KLRD1: variants seen among roughly 807,000 people sequenced by gnomAD.
KLRD1 encodes the protein natural killer cells antigen CD94.
KLRD1 carries 21 observed loss-of-function variants against 22.6 expected under a neutral mutation model. The ratio of observed to expected loss-of-function variants is 0.93; its 90% CI spans 0.66 to 1.34. The LOEUF is 1.34. Among genes scored for constraint, KLRD1 ranks in the 40% most tolerant of loss-of-function variants. The probability of loss-of-function intolerance (pLI) is 0.00; values close to 1 mark genes in which losing one functional copy is unlikely to be tolerated. For synonymous variants in KLRD1, 59 were observed against 71.1 expected, an observed-to-expected ratio of 0.83 and a Z score of 0.85; for missense variants, 183 against 208.6, an observed-to-expected ratio of 0.88 and a Z score of 0.76.
rs1434616489 is a variant in KLRD1, at chr12:10,318,290, C to A, written c.*3497C>A. 2 of 152,138 alleles carry A rather than the reference C, an allele frequency of 1.3e-5. No individual in the cohort carries two copies. The highest frequency in any genetic ancestry group is 6.5e-5 in the Admixed American group (1 of 15,280). 9.4% of individuals were successfully genotyped at this position (152,138 alleles called of 1,614,324 possible). A position where few individuals can be genotyped will look rare whatever the true frequency, so the allele number is the denominator to read the frequency against. ...TGGTGAGTTCTTTAAAGTTCAAAAT[C>A]CCTCAGTGGAATCCAGGGTCAATTT... is the stretch of plus-strand genomic sequence containing the variant. On this transcript the variant is annotated 3_prime_UTR_variant, in exon 6 of 6. Transcript: ENST00000336164.
At chr12:10,251,187 C>T (rs1202451196) in intron 1 of KLRD1, among the ~76,000 whole-genome samples, 3 of 152,006 alleles carry the variant, frequency 2.0e-5, no homozygotes, top group African/African-American at 4.8e-5. Context: ...TGCAGTGGTG[C>T]GATCCTGGCT....
At chr12:10,255,888 T>C (rs1331757765) in intron 1 of KLRD1, among the ~76,000 whole-genome samples, 1 of 152,092 alleles carries the variant, frequency 6.6e-6, no homozygotes, top group Non-Finnish European at 1.5e-5. Flanking sequence ...TTCTTATTGT[T>C]CTGGTTGTTT....
intron 1 of KLRD1, among the ~76,000 whole-genome samples, chr12:10,254,530 G>A (rs12829898): frequency 0.068 from 10,211 of 150,572 alleles, 413 homozygotes; most frequent in East Asian, 0.17. Flanking sequence ...AAGGACTAAT[G>A]TATATCCAGC....
chr12:10,255,607 G>C (rs1466576110), intron 1 of KLRD1, among the ~76,000 whole-genome samples: 1 of 152,042 alleles, frequency 6.6e-6, no homozygotes, highest in East Asian at 1.9e-4. Context: ...TTATTTAAAA[G>C]TGTTGTTTAC....
upstream of KLRD1, among the ~76,000 whole-genome samples, chr12:10,305,623 C>G (rs538729171): frequency 8.4e-4 from 128 of 152,202 alleles, 1 homozygote; most frequent in African/African-American, 3.1e-3. Flanking sequence ...CGTTTGTTGA[C>G]GCCCATTCTG....
chr12:10,310,489 T>C (rs147237701), intron 3 of KLRD1, among the ~76,000 whole-genome samples: 24 of 152,196 alleles, frequency 1.6e-4, no homozygotes, highest in Non-Finnish European at 3.4e-4. Flanking sequence ...ATCTTGATTA[T>C]ATAGTGTTTA....
At chr12:10,283,366 AC>A in intron 1 of KLRD1, among the ~76,000 whole-genome samples, 1 of 152,322 alleles carries the variant, frequency 6.6e-6, no homozygotes, top group South Asian at 2.1e-4. Context: ...AATAGTGGTT[AC>A]CAGGGACAGT....
upstream of KLRD1, among the ~76,000 whole-genome samples, chr12:10,299,515 A>G (rs1194398106): frequency 1.3e-5 from 2 of 152,202 alleles, no homozygotes; most frequent in South Asian, 4.1e-4. Context: ...AATGTGCAAT[A>G]GCATTATGTC....
At chr12:10,266,547 T>C (rs960204554) in intron 1 of KLRD1, among the ~76,000 whole-genome samples, 1 of 152,078 alleles carries the variant, frequency 6.6e-6, no homozygotes, top group African/African-American at 2.4e-5. Flanking sequence ...ATTTTTTTCC[T>C]GGTCTGTTAT....
intron 1 of KLRD1, among the ~76,000 whole-genome samples, chr12:10,283,574 A>G (rs113319511): frequency 7.1e-4 from 108 of 152,268 alleles, no homozygotes; most frequent in African/African-American, 2.6e-3. Context: ...AGTACATAGC[A>G]TGTGTGGTCA....
intron 1 of KLRD1, among the ~76,000 whole-genome samples, chr12:10,258,862 T>G (rs1949423222): frequency 6.6e-6 from 1 of 152,106 alleles, no homozygotes; most frequent in Non-Finnish European, 1.5e-5. Flanking sequence ...AAATATATAT[T>G]TATGCTTTCC....
chr12:10,299,678 T>C (rs1949851046), upstream of KLRD1, among the ~76,000 whole-genome samples: 1 of 152,178 alleles, frequency 6.6e-6, no homozygotes. Context: ...TGGTGGTTGC[T>C]GAAGGCTAGG....
chr12:10,280,037 C>T (rs997004449), intron 1 of KLRD1, among the ~76,000 whole-genome samples: 1 of 152,176 alleles, frequency 6.6e-6, no homozygotes, highest in African/African-American at 2.4e-5. Flanking sequence ...TATTTTTCAT[C>T]AGAAATGTCT....
chr12:10,325,971 C>G lies in KLRD1; in HGVS notation c.*11178C>G, dbSNP rs993034466. On this transcript the variant is annotated 3_prime_UTR_variant, in exon 6 of 6. Coordinates refer to ENST00000336164, the MANE Select transcript of KLRD1 (RefSeq NM_002262.5). The stretch of plus-strand genomic sequence containing the variant: ...TAATTACCCCACGTACTTCTCAACA[C>G]TTGTCTTTCATTTGTTTGATAATAG... 5 of 152,148 alleles carry G rather than the reference C, an allele frequency of 3.3e-5. No individual in the cohort carries two copies. Among genetic ancestry groups the G allele is most frequent in the African/African-American group, 1.2e-4 (5 of 41,414 alleles). 9.4% of individuals were successfully genotyped at this position (152,148 alleles called of 1,614,324 possible). A position where few individuals can be genotyped will look rare whatever the true frequency, so the allele number is the denominator to read the frequency against.
chr12:10,283,124 G>T (rs1026883323), intron 1 of KLRD1, among the ~76,000 whole-genome samples: 1 of 152,214 alleles, frequency 6.6e-6, no homozygotes, highest in African/African-American at 2.4e-5. Flanking sequence ...AGACAATTCA[G>T]ATATGGGCAA....
At chr12:10,264,144 C>T (rs1183204820) in intron 1 of KLRD1, among the ~76,000 whole-genome samples, 1 of 152,072 alleles carries the variant, frequency 6.6e-6, no homozygotes, top group African/African-American at 2.4e-5. Context: ...CTATTTCTGT[C>T]ATATATTTGA....
chr12:10,298,958 AGG>A lies in KLRD1; in HGVS notation c.-100-9018_-100-9017del. 1.3e-5 allele frequency among the ~76,000 whole-genome samples: 2 copies of A among 152,326 alleles called. 1 individual carries two copies. Among genetic ancestry groups the A allele is most frequent in the Middle Eastern group, 6.8e-3 (2 of 294 alleles). ...TTAATTCCTCTAGCACCGCTGGGTT[AGG>A]GTCTCCACGACTGAGCTGGTCTCAG... On this transcript the variant is annotated intron_variant, in intron 1 of 5. Transcript: ENST00000544747.
rs559850219 is a variant in KLRD1 at position 10,321,095 on chromosome 12, T to C, written c.*6302T>C. ...CCAAGAGTTATGAAGAGTGATTTTA[T>C]AAGCAGAAATAGGACTGAGTCCTAA... On this transcript the variant is annotated 3_prime_UTR_variant, in exon 6 of 6. Transcript: ENST00000336164. The C allele has an allele frequency of 2.6e-5, 4 of 152,348 alleles. No individual in the cohort carries two copies. Among genetic ancestry groups the C allele is most frequent in the African/African-American group, 9.6e-5 (4 of 41,584 alleles). 9.4% of individuals were successfully genotyped at this position (152,348 alleles called of 1,614,324 possible). A position where few individuals can be genotyped will look rare whatever the true frequency, so the allele number is the denominator to read the frequency against.
intron 1 of KLRD1, among the ~76,000 whole-genome samples, chr12:10,243,108 A>C (rs1402735559): frequency 6.6e-6 from 1 of 152,096 alleles, no homozygotes; most frequent in African/African-American, 2.4e-5. Context: ...TTGTTACTAG[A>C]GACTGGGGGA....
Sources: gnomAD v4.1 joint callset for allele counts (sites outside exome capture counted in the v4.1 genomes callset) on GRCh38, gnomAD v4.1.1 for gene constraint, MANE v1.5 for transcripts, NCBI Gene and HGNC (gene_info 2026-07-23, HGNC 2026-07-21) for gene names.